Variants in RIMOC1 observed in about 807,000 individuals in gnomAD.
The protein encoded by RIMOC1 is RAB7A interacting MON1-CCZ1 complex subunit 1.
chr5:41,913,022 A>G, the RIMOC1 span, among the ~76,000 whole-genome samples: 9 of 152,202 alleles, frequency 5.9e-5, no homozygotes, highest in Non-Finnish European at 1.0e-4. Context: ...TATATAGAAC[A>G]TAATATAAAT....
At chr5:41,916,140 G>A in the RIMOC1 span, among the ~76,000 whole-genome samples, 1 of 152,128 alleles carries the variant, frequency 6.6e-6, no homozygotes, top group South Asian at 2.1e-4. Flanking sequence ...ATGGCTTTAA[G>A]AAGTTACATT....
chr5:41,919,025 A>G, the RIMOC1 span: 11 of 148,940 alleles, frequency 7.4e-5, no homozygotes, highest in Non-Finnish European at 1.5e-4. Context: ...TTTACTTTAC[A>G]TATTTTATAC....
chr5:41,917,586 ATTTTTTCTATTACTTTTT>A, the RIMOC1 span: 2 of 972,646 alleles, frequency 2.1e-6, no homozygotes, highest in Non-Finnish European at 2.4e-6. Context: ...CTTTACAAAG[ATTTTTTCTATTACTTTTT>A]TTTTTTATTG....
chr5:41,908,180 C>CT, the RIMOC1 span: 518 of 156,822 alleles, frequency 3.3e-3, no homozygotes, highest in South Asian at 8.1e-3. Flanking sequence ...AGGGCCCTGA[C>CT]TTTTTTTTTT....
the RIMOC1 span, chr5:41,917,493 T>G: frequency 7.9e-7 from 1 of 1,261,516 alleles, no homozygotes; most frequent in Non-Finnish European, 1.0e-6. Context: ...GAAGGGATGA[T>G]TCTTTAATTT....
chr5:41,910,469 G>A, the RIMOC1 span, among the ~76,000 whole-genome samples: 23 of 151,680 alleles, frequency 1.5e-4, no homozygotes, highest in Non-Finnish European at 2.5e-4. Flanking sequence ...TCTCTATTTG[G>A]ATAATCCTAT....
chr5:41,906,773 A>G, the RIMOC1 span, among the ~76,000 whole-genome samples: 3 of 152,210 alleles, frequency 2.0e-5, no homozygotes, highest in Non-Finnish European at 2.9e-5. Context: ...TGCTCCAACA[A>G]TGAACACCTT....
At chr5:41,909,081 A>G in the RIMOC1 span, among the ~76,000 whole-genome samples, 1 of 152,168 alleles carries the variant, frequency 6.6e-6, no homozygotes, top group African/African-American at 2.4e-5. Flanking sequence ...CTGAGGCTCA[A>G]AAAAGGTAAA....
the RIMOC1 span, chr5:41,918,130 C>T: frequency 2.0e-6 from 2 of 985,748 alleles, no homozygotes; most frequent in South Asian, 9.4e-5. Flanking sequence ...GTCTTTCTGT[C>T]TACCTCAACT....
chr5:41,912,297 AAAG>A, the RIMOC1 span: 9 of 653,420 alleles, frequency 1.4e-5, no homozygotes, highest in South Asian at 1.7e-4. Context: ...TATAGACAAA[AAAG>A]TAATAAGTAA....
At chr5:41,908,768 C>T in the RIMOC1 span, among the ~76,000 whole-genome samples, 52 of 152,202 alleles carry the variant, frequency 3.4e-4, no homozygotes, top group African/African-American at 7.2e-5. Flanking sequence ...TTTTAACTTA[C>T]TGGAATAAGG....
the RIMOC1 span, chr5:41,912,232 G>T: frequency 8.9e-7 from 1 of 1,129,570 alleles, no homozygotes; most frequent in Non-Finnish European, 1.3e-6. Flanking sequence ...AGCTTCTTAA[G>T]ATTTTAGGAA....
At chr5:41,917,960 G>A in the RIMOC1 span, 2 of 969,688 alleles carry the variant, frequency 2.1e-6, no homozygotes, top group East Asian at 1.1e-4. Context: ...CTTTTCAAGT[G>A]AGTAATGAAG....
the RIMOC1 span, among the ~76,000 whole-genome samples, chr5:41,905,753 T>C: frequency 1.3e-5 from 2 of 152,248 alleles, no homozygotes; most frequent in African/African-American, 4.8e-5. Flanking sequence ...TATTCACTTA[T>C]CACTGAACTA....
the RIMOC1 span, chr5:41,917,560 T>C: frequency 1.0e-3 from 1,167 of 1,111,440 alleles, 11 homozygotes; most frequent in African/African-American, 0.017. Context: ...TAATAATGAG[T>C]AGTAACCCAA....
the RIMOC1 span, among the ~76,000 whole-genome samples, chr5:41,915,455 C>G: frequency 6.6e-6 from 1 of 152,114 alleles, no homozygotes; most frequent in Non-Finnish European, 1.5e-5. Flanking sequence ...GTTTGAGAAC[C>G]ACTATTTATC....
chr5:41,906,743 A>G, the RIMOC1 span, among the ~76,000 whole-genome samples: 3 of 152,192 alleles, frequency 2.0e-5, no homozygotes, highest in Non-Finnish European at 4.4e-5. Flanking sequence ...TTGCCAACAG[A>G]CATAACCTGA....
chr5:41,915,126 G>A, the RIMOC1 span, among the ~76,000 whole-genome samples: 1 of 152,172 alleles, frequency 6.6e-6, no homozygotes, highest in African/African-American at 2.4e-5. Flanking sequence ...GTAAGCCCTT[G>A]TATCTCACCT....
At chr5:41,914,474 A>AC in the RIMOC1 span, among the ~76,000 whole-genome samples, 3 of 151,616 alleles carry the variant, frequency 2.0e-5, no homozygotes, top group African/African-American at 2.4e-5. Context: ...ACAAAACAAA[A>AC]CAAAACAAAA....
Sources: allele counts gnomAD v4.1 joint callset (sites outside exome capture counted in the v4.1 genomes callset), GRCh38; gene constraint gnomAD v4.1.1; transcripts MANE v1.5; gene names NCBI Gene and HGNC (gene_info 2026-07-23, HGNC 2026-07-21).